The following ARMC2 variants were observed in gnomAD, a reference collection of about 807,000 sequenced individuals.
ARMC2 encodes the protein armadillo repeat-containing protein 2.
In ARMC2, 67 loss-of-function variants were observed where a neutral mutation model predicts 90.3. The ratio of observed to expected loss-of-function variants is 0.74; its 90% CI spans 0.61 to 0.91. ARMC2 has a LOEUF of 0.91. ARMC2 is among the 40% of genes least tolerant of loss of function. The probability of loss-of-function intolerance (pLI) is 0.00; values close to 1 mark genes in which losing one functional copy is unlikely to be tolerated. For missense variants in ARMC2, 920 were observed against 1,030.9 expected (o/e 0.89, Z 1.47); for synonymous variants, 393 against 393.0 (o/e 1.00, Z 0.00).
chr6:108,935,972 G>A (rs1263363310), intron 11 of ARMC2, among the ~76,000 whole-genome samples: 1 of 151,982 alleles, frequency 6.6e-6, no homozygotes. Flanking sequence ...TTTATGGCCT[G>A]GTATGTGGTC....
chr6:108,880,016 A>G, intron 5 of ARMC2: 1 of 444,116 alleles, frequency 2.3e-6, no homozygotes, highest in South Asian at 1.7e-5. Flanking sequence ...GGAATCAAAA[A>G]TAAGAAAAGA....
At chr6:108,909,463 AAC>A (rs1338595125) in intron 8 of ARMC2, among the ~76,000 whole-genome samples, 2 of 152,060 alleles carry the variant, frequency 1.3e-5, no homozygotes, top group Non-Finnish European at 2.9e-5. Flanking sequence ...TAAAAAAAAA[AAC>A]ACTATATTTC....
chr6:108,899,857 T>G, intron 7 of ARMC2, 65 bp downstream of exon 7: 2 of 1,227,120 alleles, frequency 1.6e-6, no homozygotes, highest in Non-Finnish European at 2.3e-6. Flanking sequence ...CCTGTAGTTA[T>G]TTATGTGTTC....
chr6:109,022,119 T>C, the ARMC2 span, among the ~76,000 whole-genome samples: 1 of 152,136 alleles, frequency 6.6e-6, no homozygotes, highest in South Asian at 2.1e-4. Flanking sequence ...TCTCCTTTCT[T>C]CTTTTAATTT....
the ARMC2 span, chr6:108,993,005 A>G: frequency 1.5e-6 from 1 of 656,266 alleles, no homozygotes; most frequent in Non-Finnish European, 2.7e-6. Flanking sequence ...ATACTGAGTG[A>G]CCAATATCAA....
chr6:108,921,819 A>G (rs772060389), intron 10 of ARMC2, among the ~76,000 whole-genome samples: 5 of 152,242 alleles, frequency 3.3e-5, no homozygotes, highest in East Asian at 1.9e-4. Flanking sequence ...GAAGTCAACA[A>G]TTTTGCAGTT....
At chr6:108,868,192 A>G (rs2128428016) in intron 3 of ARMC2, among the ~76,000 whole-genome samples, 1 of 126,540 alleles carries the variant, frequency 7.9e-6, no homozygotes, top group African/African-American at 3.1e-5. Context: ...TGAATATGCT[A>G]TATGTAATTT....
chr6:108,977,838 G>A (rs1297840712), downstream of ARMC2, among the ~76,000 whole-genome samples: 5 of 152,014 alleles, frequency 3.3e-5, no homozygotes, highest in Admixed American at 2.6e-4. Context: ...TAGGATCGGT[G>A]GTGATATCCC....
chr6:108,869,146 CATT>C (rs2128429150), intron 4 of ARMC2, among the ~76,000 whole-genome samples, 151 bp downstream of exon 4: 1 of 152,238 alleles, frequency 6.6e-6, no homozygotes, highest in African/African-American at 2.4e-5. Flanking sequence ...GGCTAAGAAA[CATT>C]GTTCATATAT....
At chr6:109,021,907 T>C in the ARMC2 span, among the ~76,000 whole-genome samples, 1 of 152,234 alleles carries the variant, frequency 6.6e-6, no homozygotes. Context: ...ATCCAAATAT[T>C]ACTGAAAGTT....
intron 3 of ARMC2, 101 bp downstream of exon 3, chr6:108,858,372 C>G: frequency 1.3e-6 from 1 of 766,978 alleles, no homozygotes; most frequent in Non-Finnish European, 2.1e-6. Flanking sequence ...TGATAATTAT[C>G]ATGTACACCT....
rs567619826 is a variant in ARMC2 at position 108,965,068 on chromosome 6, A to T, written c.2374A>T (p.Ile792Phe). ...AACTTTATGGAACTTCAGTGAAAACATCACTAATGCTTCGTCATGTTTTGG... is the reference window on the plus strand; with the variant it reads ...AACTTTATGGAACTTCAGTGAAAACTTCACTAATGCTTCGTCATGTTTTGG... The part of the protein sequence containing the change: ...CKTLWNFSEN[I>F]TNASSCFGNE... Residue 792 changes from isoleucine (I) to phenylalanine (F), a missense_variant, in exon 17 of 18, where the codon ATC (isoleucine) becomes TTC (phenylalanine). Physicochemically the swap from Ile to Phe is conservative, Grantham distance 21. Coordinates refer to ENST00000392644, the MANE Select transcript of ARMC2 (RefSeq NM_032131.6). 4 of 1,613,650 alleles carry T rather than the reference A, an allele frequency of 2.5e-6. No individual in the cohort carries two copies. The highest frequency in any genetic ancestry group is 1.1e-5 in the South Asian group (1 of 91,086).
At chr6:108,892,759 CA>C (rs55747245) in intron 5 of ARMC2, among the ~76,000 whole-genome samples, 405 of 89,682 alleles carry the variant, frequency 4.5e-3, no homozygotes, top group Middle Eastern at 0.013. Flanking sequence ...AACTCCATCT[CA>C]AAAAAAAAAA....
chr6:108,973,461 C>A lies in ARMC2; in HGVS notation c.2551C>A (p.Arg851=), dbSNP rs1321489631. 15 of 1,613,596 alleles carry A rather than the reference C, an allele frequency of 9.3e-6. No individual in the cohort carries two copies. Among genetic ancestry groups the A allele is most frequent in the East Asian group, 2.2e-5 (1 of 44,888 alleles). The change falls in exon 18 of 18, where the codon CGA becomes AGA. Residue 851 remains arginine, a synonymous_variant. Coordinates refer to ENST00000392644, the MANE Select transcript of ARMC2 (RefSeq NM_032131.6). ...ACCTGTGGCACAGCAGCTTCTAAAC[C>A]GAATTCAGAGACATCACACCTTCCT... is the stretch of plus-strand genomic sequence containing the variant. ...FKPVAQQLLN[R]IQRHHTFLEP...
the ARMC2 span, among the ~76,000 whole-genome samples, chr6:108,980,618 T>C: frequency 2.6e-5 from 4 of 152,076 alleles, no homozygotes; most frequent in Non-Finnish European, 5.9e-5. Flanking sequence ...CCTTCCCCCA[T>C]GTGCTCTGTC....
chr6:108,988,561 C>A, the ARMC2 span: 1 of 1,610,616 alleles, frequency 6.2e-7, no homozygotes, highest in East Asian at 2.2e-5. Context: ...AGTGCTTGAA[C>A]TGCCTCCAGA....
At chr6:108,895,740 CAT>C (rs1253176898) in intron 6 of ARMC2, among the ~76,000 whole-genome samples, 3 of 152,054 alleles carry the variant, frequency 2.0e-5, no homozygotes, top group Admixed American at 1.3e-4. Context: ...AAAGCAAAGA[CAT>C]ATATTGTTTA....
intron 5 of ARMC2, among the ~76,000 whole-genome samples, chr6:108,878,530 C>T (rs1271945828): frequency 6.6e-6 from 1 of 152,154 alleles, no homozygotes; most frequent in African/African-American, 2.4e-5. Flanking sequence ...AATTGTATAC[C>T]CTCATTTATA....
chr6:108,850,259 A>G (rs1773871314), intron 1 of ARMC2, among the ~76,000 whole-genome samples: 2 of 152,168 alleles, frequency 1.3e-5, no homozygotes, highest in South Asian at 2.1e-4. Context: ...TGGACTCAGG[A>G]TAGTGTGATG....
Sources: gnomAD v4.1 joint callset for allele counts (sites outside exome capture counted in the v4.1 genomes callset) on GRCh38, gnomAD v4.1.1 for gene constraint, MANE v1.5 for transcripts, NCBI Gene and HGNC (gene_info 2026-07-23, HGNC 2026-07-21) for gene names.